Variants in PTBP2 observed in about 807,000 individuals in gnomAD.
PTBP2 encodes polypyrimidine tract binding protein 2.
In PTBP2, 13 loss-of-function variants were observed where a neutral mutation model predicts 61.4. The ratio of observed to expected loss-of-function variants is 0.21; its 90% CI spans 0.14 to 0.34. The LOEUF (loss-of-function observed/expected upper bound fraction) is 0.34, where lower values mean the gene tolerates loss of function less well. PTBP2 is among the 10% of genes least tolerant of loss of function. The pLI, the probability that PTBP2 is intolerant of heterozygous loss-of-function variation, is 1.00. For missense variants in PTBP2, 405 were observed against 642.6 expected, an observed-to-expected ratio of 0.63 and a Z score of 4.00; for synonymous variants, 215 against 218.5, an observed-to-expected ratio of 0.98 and a Z score of 0.14.
At chr1:96,782,540 T>G (rs916256978) in intron 7 of PTBP2, among the ~76,000 whole-genome samples, 1 of 152,000 alleles carries the variant, frequency 6.6e-6, no homozygotes, top group African/African-American at 2.4e-5. Context: ...TTTAGGATGC[T>G]TTAGGAAAAT....
chr1:96,764,683 G>A (rs916013513), intron 3 of PTBP2, among the ~76,000 whole-genome samples: 1 of 152,092 alleles, frequency 6.6e-6, no homozygotes, highest in Non-Finnish European at 1.5e-5. Context: ...TTGCTATAAT[G>A]TTTTGAAAGT....
intron 8 of PTBP2, among the ~76,000 whole-genome samples, chr1:96,799,317 A>C (rs1196940104): frequency 4.8e-5 from 3 of 61,928 alleles, no homozygotes; most frequent in African/African-American, 3.6e-4. Context: ...TTTTTTTGAG[A>C]TGGAGTCTTG....
At chr1:96,763,413 C>CA (rs1419130589) in intron 3 of PTBP2, among the ~76,000 whole-genome samples, 2 of 151,658 alleles carry the variant, frequency 1.3e-5, no homozygotes, top group Non-Finnish European at 2.9e-5. Context: ...CCGTCTCCAC[C>CA]AAAAAAATAC....
At chr1:96,734,628 C>G (rs186635860) in intron 2 of PTBP2, among the ~76,000 whole-genome samples, 98 of 151,540 alleles carry the variant, frequency 6.5e-4, no homozygotes, top group African/African-American at 2.2e-3. Flanking sequence ...GGTTATTGGT[C>G]TTACACAGTT....
chr1:96,730,371 C>T (rs1270905878), intron 2 of PTBP2, among the ~76,000 whole-genome samples: 3 of 152,116 alleles, frequency 2.0e-5, no homozygotes, highest in Non-Finnish European at 4.4e-5. Context: ...ACCGCTTTCA[C>T]GGCATTCCTC....
At chr1:96,779,205 A>T (rs146939638) in intron 7 of PTBP2, among the ~76,000 whole-genome samples, 1 of 152,204 alleles carries the variant, frequency 6.6e-6, no homozygotes, top group East Asian at 1.9e-4. Context: ...AAAAATGATT[A>T]TCCTCCTTTC....
chr1:96,803,641 T>C (rs1661237369), intron 8 of PTBP2, among the ~76,000 whole-genome samples: 1 of 152,164 alleles, frequency 6.6e-6, no homozygotes. Flanking sequence ...AAGGTCATAG[T>C]AGTTTCTATA....
chr1:96,769,658 T>C, intron 3 of PTBP2, 45 bp from the exon 4 acceptor site: 1 of 1,298,378 alleles, frequency 7.7e-7, no homozygotes, highest in Non-Finnish European at 1.0e-6. Flanking sequence ...ATTCATACAT[T>C]CTTTTATTGT....
rs568821322 is a variant in PTBP2, at chr1:96,751,513, C to A, written c.115+13C>A. ...ATGGTAGTTACAGGTAAGTGTTACT[C>A]TCTTAGCAGTCTGTCATTTGCCATT... On this transcript the variant is annotated intron_variant, in intron 3 of 13. Transcript: ENST00000674951. 23 of 1,593,236 alleles carry A rather than the reference C, an allele frequency of 1.4e-5. No homozygotes were observed. In the South Asian group the frequency reaches 2.6e-4, roughly 18 times the overall value.
At chr1:96,811,544 G>GT (rs1294299097) in intron 11 of PTBP2, among the ~76,000 whole-genome samples, 2 of 152,054 alleles carry the variant, frequency 1.3e-5, no homozygotes, top group South Asian at 4.1e-4. Flanking sequence ...AGCCTCCTGA[G>GT]TAACTGGGAC....
chr1:96,742,635 T>G (rs1023270508), intron 2 of PTBP2, among the ~76,000 whole-genome samples: 13 of 151,644 alleles, frequency 8.6e-5, no homozygotes, highest in African/African-American at 2.7e-4. Context: ...GCATTCAAGG[T>G]TAAAGGTAAT....
chr1:96,801,774 T>A (rs1661018083), intron 8 of PTBP2, among the ~76,000 whole-genome samples: 1 of 148,806 alleles, frequency 6.7e-6, no homozygotes, highest in Admixed American at 6.8e-5. Flanking sequence ...GGCAGGAGAA[T>A]CACTTGAAGC....
Position 96,721,807 on chromosome 1 carries a change from TGTGGCTCGCTGGCTGC to T in PTBP2, c.-49_-34del. ...CCAGCCGCCATTTTCTCGCCGCTTG[TGTGGCTCGCTGGCTGC>T]GTGGCTCGGTTCTTGTGAGCGAAGC... On this transcript the variant is annotated 5_prime_UTR_variant, in exon 1 of 14. Transcript: ENST00000674951. 6.4e-7 allele frequency: 1 copy of T among 1,551,156 alleles called. No individual in the cohort carries two copies. The highest frequency in any genetic ancestry group is 1.2e-5 in the South Asian group (1 of 84,056).
intron 8 of PTBP2, among the ~76,000 whole-genome samples, chr1:96,787,552 A>G (rs1570947392): frequency 6.6e-6 from 1 of 152,098 alleles, no homozygotes; most frequent in Non-Finnish European, 1.5e-5. Context: ...GCATCTTGTT[A>G]TAACTGGGCT....
rs1557774300 is a variant in PTBP2 at position 96,804,846 on chromosome 1, A to T, written c.951A>T (p.Ala317=). Residue 317 remains alanine (A), a synonymous_variant, in exon 9 of 14, where the codon GCA becomes GCT. Transcript: ENST00000674951. The part of the protein sequence containing the change: ...LSPLAIPNAA[A]AAAAAAAGRV... ...CTTTGGCCATTCCAAATGCTGCTGCAGCAGCTGCTGCAGCTGCTGCTGGCC... is the reference window on the plus strand; with the variant it reads ...CTTTGGCCATTCCAAATGCTGCTGCTGCAGCTGCTGCAGCTGCTGCTGGCC... 6.2e-7 allele frequency: 1 copy of T among 1,611,638 alleles called. No individual in the cohort carries two copies. The highest frequency in any genetic ancestry group is 8.5e-7 in the Non-Finnish European group (1 of 1,178,256).
At chr1:96,790,050 C>T (rs540522161) in intron 8 of PTBP2, among the ~76,000 whole-genome samples, 3 of 152,094 alleles carry the variant, frequency 2.0e-5, no homozygotes, top group Admixed American at 6.5e-5. Flanking sequence ...TTGGTTGTTA[C>T]ATCTCATTAG....
intron 7 of PTBP2, among the ~76,000 whole-genome samples, chr1:96,778,461 C>A (rs540175354): frequency 6.6e-6 from 1 of 151,614 alleles, no homozygotes; most frequent in Non-Finnish European, 1.5e-5. Context: ...GTCATTGTTA[C>A]ATATGGAGGA....
chr1:96,736,784 C>T (rs1652251030), intron 2 of PTBP2, among the ~76,000 whole-genome samples: 2 of 152,086 alleles, frequency 1.3e-5, no homozygotes, highest in African/African-American at 4.8e-5. Flanking sequence ...TCCAGTGACC[C>T]TCCCACCTCA....
At chr1:96,739,954 G>T (rs1235567052) in intron 2 of PTBP2, among the ~76,000 whole-genome samples, 1 of 152,030 alleles carries the variant, frequency 6.6e-6, no homozygotes, top group Non-Finnish European at 1.5e-5. Context: ...CTTACTTGAT[G>T]CTCAAAGGAA....
Sources: allele counts gnomAD v4.1 joint callset (sites outside exome capture counted in the v4.1 genomes callset), GRCh38; gene constraint gnomAD v4.1.1; transcripts MANE v1.5; gene names NCBI Gene and HGNC (gene_info 2026-07-23, HGNC 2026-07-21).